The following FIBP variants were observed in gnomAD, a reference collection of about 807,000 sequenced individuals.
The protein encoded by FIBP is acidic fibroblast growth factor intracellular-binding protein.
Under a neutral mutation model 40.5 loss-of-function variants are expected in FIBP, and 29 were observed. That is an observed-to-expected ratio of 0.72 (90% confidence interval 0.53 to 0.98). The LOEUF is 0.98. Among genes scored for constraint, FIBP ranks in the 50% least tolerant of loss-of-function variants. FIBP has a pLI of 0.00. For missense variants in FIBP, 411 were observed against 470.2 expected, an observed-to-expected ratio of 0.87 and a Z score of 1.16; for synonymous variants, 215 against 191.1, an observed-to-expected ratio of 1.13 and a Z score of -1.03.
At position 65,884,995 on chromosome 11, in the gene FIBP, C is replaced by A. The variant is rs749557354; in HGVS notation, c.759G>T (p.Leu253=). 1.2e-6 allele frequency: 2 copies of A among 1,614,174 alleles called. No individual in the cohort carries two copies. The highest frequency in any genetic ancestry group is 1.7e-6 in the Non-Finnish European group (2 of 1,180,020). The change falls in exon 7 of 10, where the codon CTG becomes CTT. Residue 253 remains leucine (L), a synonymous_variant. Coordinates refer to ENST00000357519, the MANE Select transcript of FIBP (RefSeq NM_004214.5). The stretch of plus-strand genomic sequence containing the variant: ...GCTTTCCCCGGAGAGCAGTGCACAC[C>A]AGGCTGCAGAGAGACAGGGTCACGC... The part of the protein sequence containing the change: ...DKDLLDLHKS[L]VCTALRGKLG...
intron 5 of FIBP, 42 bp downstream of exon 5, chr11:65,885,488 G>A (rs765723518): frequency 1.3e-6 from 2 of 1,599,050 alleles, no homozygotes; most frequent in Non-Finnish European, 1.7e-6. Flanking sequence ...AGGTCCTGAG[G>A]ATGGGGAGGC....
Position 65,885,180 on chromosome 11 carries a change from T to A in FIBP, c.653A>T (p.Gln218Leu). ...QNWTLGAVDS[Q>L]MDDMDMDLDK... is the part of the protein sequence containing the mutation. Reference sequence around the variant, plus strand: ...TAAGTCCATGTCCATGTCATCCATCTGTGAGTCTGTGAGGCCATGAAGGGG... The same window carrying A: ...TAAGTCCATGTCCATGTCATCCATCAGTGAGTCTGTGAGGCCATGAAGGGG... The change falls in exon 6 of 10, where the codon CAG becomes CTG. Residue 218 changes from glutamine (Q) to leucine (L), a missense_variant. Coordinates refer to ENST00000357519, the MANE Select transcript of FIBP (RefSeq NM_004214.5). 1 of 1,575,410 alleles carries A rather than the reference T, an allele frequency of 6.3e-7. No homozygotes were observed. Among genetic ancestry groups the A allele is most frequent in the Non-Finnish European group, 8.7e-7 (1 of 1,154,714 alleles).
Position 65,883,933 on chromosome 11 carries a change from G to A in FIBP, c.*41C>T. On this transcript the variant is annotated 3_prime_UTR_variant, in exon 10 of 10. Transcript: ENST00000357519. ...GCGAGGACCAGTCTCCAAACTCAGA[G>A]CAACTTTATTGTCAGCGTGGGCGGA... 6.3e-7 allele frequency: 1 copy of A among 1,590,520 alleles called. No homozygotes were observed. Among genetic ancestry groups the A allele is most frequent in the South Asian group, 1.1e-5 (1 of 89,772 alleles).
At chr11:65,884,078 A>C in intron 9 of FIBP, 35 bp from the exon 10 acceptor site, 1 of 1,550,776 alleles carries the variant, frequency 6.4e-7, no homozygotes, top group Non-Finnish European at 8.9e-7. Flanking sequence ...CTGAGTTTTC[A>C]CAACACTCAC....
Position 65,883,907 on chromosome 11 carries a change from A to G in FIBP, c.*67T>C. On this transcript the variant is annotated 3_prime_UTR_variant, in exon 10 of 10. Transcript: ENST00000357519. ...TGCACGCCCCCCACTTGCTCCCCGG[A>G]GCGAGGACCAGTCTCCAAACTCAGA... The G allele has an allele frequency of 1.4e-6, 2 of 1,408,742 alleles. No individual in the cohort carries two copies. The highest frequency in any genetic ancestry group is 2.0e-6 in the Non-Finnish European group (2 of 1,004,084). 87.3% of individuals were successfully genotyped at this position (1,408,742 alleles called of 1,614,324 possible). A position where few individuals can be genotyped will look rare whatever the true frequency, so the allele number is the denominator to read the frequency against.
chr11:65,886,533 A>T, intron 3 of FIBP, 111 bp from the exon 4 acceptor site: 1 of 719,972 alleles, frequency 1.4e-6, no homozygotes. Flanking sequence ...CTATCCAGTC[A>T]GCAGATGCTG....
At chr11:65,886,169 TA>T (rs5792375) in intron 4 of FIBP, 152 bp downstream of exon 4, 85,955 of 334,454 alleles carry the variant, frequency 0.26, 3,771 homozygotes, top group African/African-American at 0.39. Context: ...TCCGTCTCAT[TA>T]AAAAAAAAAA....
chr11:65,885,459 A>G (rs1455529558), intron 5 of FIBP, 71 bp downstream of exon 5: 1 of 1,563,036 alleles, frequency 6.4e-7, no homozygotes, highest in Non-Finnish European at 8.7e-7. Flanking sequence ...CCTGTGGGAG[A>G]AACTACTGGT....
chr11:65,886,404 C>A lies in FIBP; in HGVS notation c.430G>T (p.Val144Phe), dbSNP rs907701014. ...CGCATTTCCTCTACCACCTTGAAGACCCGTTTAAAGTTGTCAAACTGCAGG... is the reference window on the plus strand; with the variant it reads ...CGCATTTCCTCTACCACCTTGAAGAACCGTTTAAAGTTGTCAAACTGCAGG... ...CRRQFDNFKR[V>F]FKVVEEMRGS... is the part of the protein sequence containing the mutation. The change falls in exon 4 of 10, where the codon GTC becomes TTC. Residue 144 changes from valine (V) to phenylalanine (F), a missense_variant. By Grantham distance (50) the Val-to-Phe change is conservative. Transcript: ENST00000357519. 4 of 1,613,578 alleles carry A rather than the reference C, an allele frequency of 2.5e-6. No homozygotes were observed. Among genetic ancestry groups the A allele is most frequent in the Non-Finnish European group, 3.4e-6 (4 of 1,179,716 alleles).
intron 2 of FIBP, 77 bp downstream of exon 2, chr11:65,887,857 C>G (rs1453023250): frequency 3.2e-6 from 5 of 1,586,584 alleles, no homozygotes; most frequent in African/African-American, 1.3e-5. Context: ...CCCATCCCTC[C>G]CTGGGCCTGT....
intron 5 of FIBP, 111 bp downstream of exon 5, chr11:65,885,419 T>G: frequency 7.3e-7 from 1 of 1,364,022 alleles, no homozygotes; most frequent in Non-Finnish European, 1.0e-6. Context: ...GTGGGGGCCA[T>G]GAACAGGAGC....
At chr11:65,888,160 C>T (rs775804391) in intron 1 of FIBP, 28 bp from the exon 2 acceptor site, 1 of 1,536,534 alleles carries the variant, frequency 6.5e-7, no homozygotes, top group South Asian at 1.2e-5. Flanking sequence ...GCATCAGGCC[C>T]CGCCCCGCCG....
chr11:65,884,451 G>A lies in FIBP; in HGVS notation c.945C>T (p.Ser315=), dbSNP rs751544973. The A allele has an allele frequency of 1.9e-6, 3 of 1,614,176 alleles. No individual in the cohort carries two copies. Among genetic ancestry groups the A allele is most frequent in the South Asian group, 1.1e-5 (1 of 91,080 alleles). The change falls in exon 9 of 10, where the codon AGC becomes AGT. Residue 315 remains serine, a synonymous_variant. Transcript: ENST00000357519. The part of the protein sequence containing the change: ...EPCRSDHWPL[S]DVRFFLNQYS... Reference sequence around the variant, plus strand: ...ACTGATTCAGGAAGAACCGCACGTCGCTGAGTGGCCAGTGGTCGGAGCGGC... The same window carrying A: ...ACTGATTCAGGAAGAACCGCACGTCACTGAGTGGCCAGTGGTCGGAGCGGC...
At position 65,888,271 on chromosome 11, in the gene FIBP, GC is replaced by G. The variant is rs1454815052; in HGVS notation, c.85+62del. On this transcript the variant is annotated intron_variant, in intron 1 of 9. Transcript: ENST00000357519. The stretch of plus-strand genomic sequence containing the variant: ...TAAAGGATGCCCAAGTCTTAGCCCC[GC>G]CCCCTCTCCCATTCAACACAACCGC... The G allele has an allele frequency of 4.0e-6, 6 of 1,495,082 alleles. No individual in the cohort carries two copies. The African/African-American group carries it at 4.2e-5, about 10-fold the overall frequency. 92.6% of individuals were successfully genotyped at this position (1,495,082 alleles called of 1,614,324 possible).
intron 3 of FIBP, 113 bp downstream of exon 3, chr11:65,887,487 G>T: frequency 7.4e-6 from 8 of 1,086,238 alleles, no homozygotes; most frequent in South Asian, 1.2e-5. Context: ...GAAGGGAGGA[G>T]AAGACTAGGT....
At position 65,883,949 on chromosome 11, in the gene FIBP, C is replaced by T. The variant is rs765459986; in HGVS notation, c.*25G>A. On this transcript the variant is annotated 3_prime_UTR_variant, in exon 10 of 10. Coordinates refer to ENST00000357519, the MANE Select transcript of FIBP (RefSeq NM_004214.5). Reference sequence around the variant, plus strand: ...AAACTCAGAGCAACTTTATTGTCAGCGTGGGCGGAGCGTTGGGAGGCACCT... The same window carrying T: ...AAACTCAGAGCAACTTTATTGTCAGTGTGGGCGGAGCGTTGGGAGGCACCT... 14 of 1,608,942 alleles carry T rather than the reference C, an allele frequency of 8.7e-6. No homozygotes were observed. The highest frequency in any genetic ancestry group is 4.0e-5 in the African/African-American group (3 of 74,836).
chr11:65,883,843 C>A lies in FIBP; in HGVS notation c.*131G>T. ...GCCACTGTACACATCCATCCTTGTA[C>A]ACGGACACCAGGTGCTCAGAGACAG... On this transcript the variant is annotated 3_prime_UTR_variant, in exon 10 of 10. Coordinates refer to ENST00000357519, the MANE Select transcript of FIBP (RefSeq NM_004214.5). 1 of 825,032 alleles carries A rather than the reference C, an allele frequency of 1.2e-6. No homozygotes were observed. The allele number at this position is 825,032 out of a possible 1,614,324, so 51.1% of individuals were successfully genotyped here.
At chr11:65,885,707 T>G in intron 4 of FIBP, 44 bp from the exon 5 acceptor site, 1 of 1,557,720 alleles carries the variant, frequency 6.4e-7, no homozygotes, top group Non-Finnish European at 8.7e-7. Context: ...TGAAATTCCT[T>G]CTTAGGAAGC....
intron 3 of FIBP, 192 bp downstream of exon 3, chr11:65,887,408 T>C (rs1349247886): frequency 6.2e-6 from 4 of 641,136 alleles, no homozygotes; most frequent in Non-Finnish European, 1.1e-5. Flanking sequence ...GTCGCGCCAC[T>C]GCACTCCAGC....
Sources: gnomAD v4.1 joint callset for allele counts on GRCh38, gnomAD v4.1.1 for gene constraint, MANE v1.5 for transcripts, NCBI Gene and HGNC (gene_info 2026-07-23, HGNC 2026-07-21) for gene names.